The following MROH1 variants were observed in gnomAD, a reference collection of about 807,000 sequenced individuals.
MROH1 encodes maestro heat-like repeat-containing protein family member 1.
MROH1 carries 117 observed loss-of-function variants against 116.5 expected under a neutral mutation model. That is an observed-to-expected ratio of 1.00 (90% CI 0.86 to 1.17). The LOEUF is 1.17. MROH1 is among the 50% of genes most tolerant of loss of function. MROH1 has a pLI of 0.00. For synonymous variants in MROH1, 921 were observed against 583.9 expected (o/e 1.58, Z -8.32); for missense variants, 1,873 against 1,338.5 (o/e 1.40, Z -6.23).
chr8:144,195,230 CAT>C (rs1829582949), intron 10 of MROH1, among the ~76,000 whole-genome samples: 1 of 54,106 alleles, frequency 1.8e-5, no homozygotes, highest in Admixed American at 2.6e-4. Context: ...GGCCGAGTGC[CAT>C]GGCTCATGCC....
rs1387428411 is a variant in MROH1, at chr8:144,190,846, C to A, written c.625C>A (p.Pro209Thr). ...YLANLDRAPD[P>T]TVRKDAFATD... Reference sequence around the variant, plus strand: ...AGCCAACCTGGACCGAGCCCCAGACCCCACGGTCAGGAAGGACGCCTTTGC... The same window carrying A: ...AGCCAACCTGGACCGAGCCCCAGACACCACGGTCAGGAAGGACGCCTTTGC... Residue 209 changes from proline to threonine, a missense_variant, in exon 8 of 44, where the codon CCC becomes ACC. Pro to Thr is a conservative substitution (Grantham distance 38). Transcript: ENST00000326134. The A allele has an allele frequency of 6.2e-7, 1 of 1,613,804 alleles. No individual in the cohort carries two copies. Among genetic ancestry groups the A allele is most frequent in the South Asian group, 1.1e-5 (1 of 91,084 alleles).
Position 144,190,827 on chromosome 8 carries a change from C to T in MROH1, c.606C>T (p.Asn202=). 1.2e-6 allele frequency: 2 copies of T among 1,613,806 alleles called. No individual in the cohort carries two copies. The highest frequency in any genetic ancestry group is 1.7e-6 in the Non-Finnish European group (2 of 1,179,888). ...FSEGALEYLA[N]LDRAPDPTVR... is the part of the protein sequence containing the mutation. ...AGGGTGCCCTGGAGTACCTAGCCAA[C>T]CTGGACCGAGCCCCAGACCCCACGG... Residue 202 remains asparagine, a synonymous_variant, in exon 8 of 44, where the codon AAC becomes AAT. Transcript: ENST00000326134.
chr8:144,235,488 T>A (rs1343092341), intron 14 of MROH1, among the ~76,000 whole-genome samples: 2 of 152,216 alleles, frequency 1.3e-5, no homozygotes, highest in Non-Finnish European at 2.9e-5. Context: ...ATTCCTGCTG[T>A]GGGGCTTCAT....
At chr8:144,206,786 A>T (rs1440588789) in intron 12 of MROH1, among the ~76,000 whole-genome samples, 2 of 150,042 alleles carry the variant, frequency 1.3e-5, no homozygotes, top group African/African-American at 4.9e-5. Context: ...TAATCCCAGA[A>T]CTTTGCGAGG....
intron 35 of MROH1, among the ~76,000 whole-genome samples, chr8:144,256,694 G>C (rs1389587544): frequency 1.3e-5 from 2 of 152,258 alleles, no homozygotes; most frequent in African/African-American, 2.4e-5. Flanking sequence ...GCAGAGCCTG[G>C]TGTACAGGCC....
rs2133114533 is a variant in MROH1 at position 144,248,833 on chromosome 8, G to T, written c.3121-44G>T. 3.9e-6 allele frequency: 3 copies of T among 769,556 alleles called. No homozygotes were observed. In the East Asian group the frequency reaches 7.4e-5, roughly 19 times the overall value. The allele number at this position is 769,556 out of a possible 1,614,324, so 47.7% of individuals were successfully genotyped here. On this transcript the variant is annotated intron_variant, in intron 31 of 43. Transcript: ENST00000326134. ...CGATGCCTAACAGAAGTGGCGTTGG[G>T]GGTGCCCCCCTTCCCTCAACCTCTG...
At chr8:144,196,250 AC>A (rs1301767583) in intron 10 of MROH1, among the ~76,000 whole-genome samples, 6 of 147,776 alleles carry the variant, frequency 4.1e-5, no homozygotes, top group Admixed American at 1.4e-4. Flanking sequence ...AGATTGCGCC[AC>A]CTCATTCCAG....
At chr8:144,257,627 A>G (rs1431065935) in intron 35 of MROH1, among the ~76,000 whole-genome samples, 1 of 151,986 alleles carries the variant, frequency 6.6e-6, no homozygotes, top group Admixed American at 6.5e-5. Context: ...GGCCTCACAC[A>G]CCATCCAGGC....
intron 28 of MROH1, among the ~76,000 whole-genome samples, chr8:144,244,796 G>A (rs1841606366): frequency 6.6e-6 from 1 of 152,200 alleles, no homozygotes; most frequent in Admixed American, 6.5e-5. Flanking sequence ...GGGGCCCACG[G>A]GTACCCATGG....
chr8:144,187,709 C>T (rs545855973), intron 7 of MROH1, among the ~76,000 whole-genome samples: 7 of 152,220 alleles, frequency 4.6e-5, no homozygotes, highest in South Asian at 2.1e-4. Flanking sequence ...ATTGGGTTTG[C>T]GCCTGGAGGT....
At chr8:144,242,709 A>C in intron 24 of MROH1, 81 bp downstream of exon 24, 1 of 734,566 alleles carries the variant, frequency 1.4e-6, no homozygotes, top group Non-Finnish European at 2.5e-6. Flanking sequence ...TCATAGGCAG[A>C]GGCCGGAGGG....
intron 14 of MROH1, among the ~76,000 whole-genome samples, chr8:144,235,789 T>G (rs1198019359): frequency 2.0e-5 from 3 of 152,250 alleles, no homozygotes; most frequent in Non-Finnish European, 1.5e-5. Context: ...TATATGCTTT[T>G]CTTATGCCTT....
chr8:144,190,800 C>T lies in MROH1; in HGVS notation c.579C>T (p.Ser193=), dbSNP rs755648307. 15 of 1,613,432 alleles carry T rather than the reference C, an allele frequency of 9.3e-6. No individual in the cohort carries two copies. Among genetic ancestry groups the T allele is most frequent in the East Asian group, 2.2e-5 (1 of 44,882 alleles). ...GTTTTGTAGCTCTGCAGCGCTTCAGCGAGGGTGCCCTGGAGTACCTAGCCA... is the reference window on the plus strand; with the variant it reads ...GTTTTGTAGCTCTGCAGCGCTTCAGTGAGGGTGCCCTGGAGTACCTAGCCA... The part of the protein sequence containing the change: ...VAFCSALQRF[S]EGALEYLANL... The change falls in exon 8 of 44, where the codon AGC becomes AGT. Residue 193 remains serine (S), a synonymous_variant. Transcript: ENST00000326134.
Position 144,260,720 on chromosome 8 carries a change from A to G in MROH1, c.4424A>G (p.His1475Arg). The part of the protein sequence containing the change: ...FRTASIRLFG[H>R]LNKVCHGDCE... Reference sequence around the variant, plus strand: ...ACGGCATCTATCCGCCTCTTTGGGCACCTTAACAAGGTCTGCCACGGAGAC... The same window carrying G: ...ACGGCATCTATCCGCCTCTTTGGGCGCCTTAACAAGGTCTGCCACGGAGAC... The change falls in exon 40 of 44, where the codon CAC becomes CGC. Residue 1475 changes from histidine to arginine, a missense_variant. Transcript: ENST00000326134. 2.6e-6 allele frequency: 2 copies of G among 779,638 alleles called. No homozygotes were observed. Among genetic ancestry groups the G allele is most frequent in the Non-Finnish European group, 4.8e-6 (2 of 417,780 alleles). 48.3% of individuals were successfully genotyped at this position (779,638 alleles called of 1,614,324 possible).
chr8:144,178,141 G>GTT (rs541890850), intron 4 of MROH1, among the ~76,000 whole-genome samples: 17 of 130,116 alleles, frequency 1.3e-4, no homozygotes, highest in African/African-American at 3.0e-4. Flanking sequence ...TGTTTTTTGT[G>GTT]TTTTTTTTTT....
intron 4 of MROH1, among the ~76,000 whole-genome samples, chr8:144,177,151 G>C (rs1450578180): frequency 6.6e-6 from 1 of 152,210 alleles, no homozygotes; most frequent in Non-Finnish European, 1.5e-5. Context: ...CGTGGGCCTG[G>C]GGCTAAACCA....
At position 144,163,790 on chromosome 8, in the gene MROH1, A is replaced by G. The variant is rs1311858066; in HGVS notation, c.-37A>G. ...TTCCAGATGGGAGAAGAAGTTGTCC[A>G]TGTTCACACTGGGTGAAGGAAGCTG... On this transcript the variant is annotated 5_prime_UTR_variant, in exon 3 of 44. It removes an upstream start codon present in the reference 5' UTR. Transcript: ENST00000326134. This position sits in a 1 kb window ranked among gnomAD's most constrained non-coding sequence, Gnocchi z 4.4. The G allele has an allele frequency of 1.1e-5, 17 of 1,612,314 alleles. No individual in the cohort carries two copies. Among genetic ancestry groups the G allele is most frequent in the African/African-American group, 2.7e-5 (2 of 74,904 alleles).
chr8:144,183,190 CA>C (rs1486584358), intron 7 of MROH1, among the ~76,000 whole-genome samples: 2 of 151,964 alleles, frequency 1.3e-5, no homozygotes, highest in African/African-American at 4.8e-5. Flanking sequence ...CCAGGCTGGG[CA>C]GCATGGTGAG....
At chr8:144,157,101 G>A (rs1472247958) in intron 1 of MROH1, among the ~76,000 whole-genome samples, 11 of 152,204 alleles carry the variant, frequency 7.2e-5, no homozygotes, top group South Asian at 6.2e-4. Flanking sequence ...GATTACAGGC[G>A]TGCGCCACCA....
Sources: gnomAD v4.1 joint callset for allele counts (sites outside exome capture counted in the v4.1 genomes callset) on GRCh38, gnomAD v4.1.1 for gene constraint, Gnocchi (gnomAD v3.1) non-coding constraint, MANE v1.5 for transcripts, NCBI Gene and HGNC (gene_info 2026-07-23, HGNC 2026-07-21) for gene names.